The following DNA2 variants were observed in gnomAD, a reference collection of about 807,000 sequenced individuals.
DNA2 encodes the protein DNA replication ATP-dependent helicase/nuclease DNA2.
DNA2 carries 101 observed loss-of-function variants against 119.1 expected under a neutral mutation model. The observed-to-expected ratio is 0.85, with a 90% CI of 0.72 to 1.00. The LOEUF (loss-of-function observed/expected upper bound fraction) is 1.00, where lower values mean the gene tolerates loss of function less well. DNA2 is among the 50% of genes least tolerant of loss of function. The probability of loss-of-function intolerance (pLI) is 0.00; values close to 1 mark genes in which losing one functional copy is unlikely to be tolerated. For missense variants in DNA2, 1,121 were observed against 1,255.5 expected (o/e 0.89, Z 1.62); for synonymous variants, 366 against 424.4 (o/e 0.86, Z 1.69).
intron 4 of DNA2, among the ~76,000 whole-genome samples, chr10:68,459,801 G>C (rs970763080): frequency 3.3e-5 from 5 of 152,126 alleles, no homozygotes; most frequent in African/African-American, 1.2e-4. Context: ...TGCGGAGGCA[G>C]GTGGATCACA....
chr10:68,438,480 T>C (rs4746770), intron 9 of DNA2, among the ~76,000 whole-genome samples: 21,951 of 149,244 alleles, frequency 0.15, 2,109 homozygotes, highest in East Asian at 0.37. Context: ...GATCACGCCA[T>C]TGCACTCCAG....
At chr10:68,445,556 A>G (rs1268110719) in intron 7 of DNA2, among the ~76,000 whole-genome samples, 1 of 152,138 alleles carries the variant, frequency 6.6e-6, no homozygotes, top group Non-Finnish European at 1.5e-5. Flanking sequence ...CTAGAATAAC[A>G]ACATTTTGGT....
At chr10:68,424,999 T>A (rs192971086) in intron 14 of DNA2, 104 of 548,766 alleles carry the variant, frequency 1.9e-4, no homozygotes, top group Admixed American at 9.8e-4. Context: ...CAGGAATAAA[T>A]ATAACCTGTT....
At chr10:68,435,826 G>T (rs1414826285) in intron 10 of DNA2, among the ~76,000 whole-genome samples, 1 of 152,038 alleles carries the variant, frequency 6.6e-6, no homozygotes, top group Non-Finnish European at 1.5e-5. Context: ...CTATAAATGG[G>T]AAAAATAAAC....
intron 4 of DNA2, 77 bp from the exon 5 acceptor site, chr10:68,459,312 T>G: frequency 7.2e-7 from 1 of 1,386,920 alleles, no homozygotes; most frequent in Non-Finnish European, 9.5e-7. Context: ...TATGAAAGTA[T>G]AAATATGAGA....
intron 12 of DNA2, 109 bp downstream of exon 12, chr10:68,432,097 C>T (rs2051829769): frequency 4.5e-6 from 5 of 1,114,428 alleles, no homozygotes; most frequent in Non-Finnish European, 6.6e-6. Context: ...TCCAAAGAGT[C>T]TTGGTCTAAA....
intron 6 of DNA2, among the ~76,000 whole-genome samples, chr10:68,447,150 T>C (rs2052050504): frequency 6.6e-6 from 1 of 152,008 alleles, no homozygotes; most frequent in Admixed American, 6.6e-5. Flanking sequence ...CACAAAAATT[T>C]AAAAGCATAA....
chr10:68,451,746 C>T (rs1439812710), intron 5 of DNA2, among the ~76,000 whole-genome samples: 6 of 150,736 alleles, frequency 4.0e-5, no homozygotes, highest in Admixed American at 4.0e-4. Flanking sequence ...TTTTTTTGGA[C>T]AGCTATTTCT....
chr10:68,445,063 G>T lies in DNA2; in HGVS notation c.1078C>A (p.Gln360Lys), dbSNP rs1317601492. The T allele has an allele frequency of 6.9e-6, 11 of 1,603,174 alleles. No individual in the cohort carries two copies. Among genetic ancestry groups the T allele is most frequent in the Non-Finnish European group, 9.4e-6 (11 of 1,174,492 alleles). Residue 360 changes from glutamine (Q) to lysine (K), a missense_variant, in exon 8 of 21, where the codon CAG becomes AAG. By Grantham distance (53) the Gln-to-Lys change is moderately conservative. Coordinates refer to ENST00000358410, the MANE Select transcript of DNA2 (RefSeq NM_001080449.3). ...DKRELLKLRN[Q>K]MAFSLFHRIS... ...CGGTGAAACAATGAGAATGCCATCT[G>T]GTTTCTTAGCTTTAATAATTCTATG... is the stretch of plus-strand genomic sequence containing the variant.
rs1564891226 is a variant in DNA2 at position 68,450,251 on chromosome 10, A to G, written c.720-4T>C. 1 of 541,196 alleles carries G rather than the reference A, an allele frequency of 1.8e-6. No homozygotes were observed. The highest frequency in any genetic ancestry group is 2.5e-6 in the Non-Finnish European group (1 of 394,980). 33.5% of individuals were successfully genotyped at this position (541,196 alleles called of 1,614,324 possible). A position where few individuals can be genotyped will look rare whatever the true frequency, so the allele number is the denominator to read the frequency against. On this transcript the variant is annotated splice_region_variant and splice_polypyrimidine_tract_variant and intron_variant, in intron 5 of 20. Coordinates refer to ENST00000358410, the MANE Select transcript of DNA2 (RefSeq NM_001080449.3). ...ATCCTTACTATTATCACTTGGCCTG[A>G]AAAAAAAAAAAGCACAAAAACACTT...
chr10:68,421,980 A>C (rs2051671587), intron 17 of DNA2, among the ~76,000 whole-genome samples: 1 of 151,786 alleles, frequency 6.6e-6, no homozygotes, highest in Admixed American at 6.6e-5. Context: ...ATGCCCAGCT[A>C]CTTTTTATAT....
At chr10:68,461,151 T>C (rs1159027126) in intron 4 of DNA2, among the ~76,000 whole-genome samples, 2 of 152,194 alleles carry the variant, frequency 1.3e-5, no homozygotes, top group Non-Finnish European at 2.9e-5. Flanking sequence ...TATATAGGAA[T>C]GTTAACTTCT....
intron 9 of DNA2, among the ~76,000 whole-genome samples, chr10:68,437,616 C>T (rs2051907673): frequency 1.3e-5 from 2 of 151,866 alleles, no homozygotes; most frequent in African/African-American, 2.4e-5. Context: ...CACCATTGCT[C>T]AACAACCTGG....
intron 14 of DNA2, 25 bp downstream of exon 14, chr10:68,430,411 A>G: frequency 6.7e-7 from 1 of 1,488,298 alleles, no homozygotes; most frequent in South Asian, 1.2e-5. Flanking sequence ...AACTGTTAGT[A>G]TTATTATACA....
Position 68,422,892 on chromosome 10 carries a change from T to TA in DNA2, c.2209-3dup, listed in dbSNP as rs780354765. ...CATACATGTTGTTGCAACTATAAGCTAAAAACAAGGAAAACAGATCAGTTA... is the reference window on the plus strand; with the variant it reads ...CATACATGTTGTTGCAACTATAAGCTAAAAAACAAGGAAAACAGATCAGTTA... On this transcript the variant is annotated splice_region_variant and splice_polypyrimidine_tract_variant and intron_variant, in intron 14 of 20. Coordinates refer to ENST00000358410, the MANE Select transcript of DNA2 (RefSeq NM_001080449.3). 6.4e-7 allele frequency: 1 copy of TA among 1,557,060 alleles called. No homozygotes were observed. Among genetic ancestry groups the TA allele is most frequent in the South Asian group, 1.2e-5 (1 of 82,110 alleles).
chr10:68,437,873 G>T (rs1392298314), intron 9 of DNA2, among the ~76,000 whole-genome samples: 7 of 151,994 alleles, frequency 4.6e-5, no homozygotes, highest in Admixed American at 3.9e-4. Context: ...ACCACGACAA[G>T]CTAATTTTTT....
chr10:68,465,618 G>A (rs2052317628), intron 4 of DNA2, 49 bp downstream of exon 4: 1 of 1,370,044 alleles, frequency 7.3e-7, no homozygotes, highest in Non-Finnish European at 9.9e-7. Context: ...TTCTAGGACA[G>A]AAGTTATATA....
intron 5 of DNA2, among the ~76,000 whole-genome samples, chr10:68,452,410 T>C (rs2052130992): frequency 6.6e-6 from 1 of 152,160 alleles, no homozygotes; most frequent in Non-Finnish European, 1.5e-5. Flanking sequence ...TCACCAACTG[T>C]TACTTGTTCA....
At chr10:68,465,940 A>C (rs1248478695) in intron 3 of DNA2, 128 bp from the exon 4 acceptor site, 2 of 844,094 alleles carry the variant, frequency 2.4e-6, no homozygotes, top group Non-Finnish European at 3.2e-6. Flanking sequence ...ATATTAAAAA[A>C]ATTTTTTTCT....
Sources: allele counts gnomAD v4.1 joint callset (sites outside exome capture counted in the v4.1 genomes callset), GRCh38; gene constraint gnomAD v4.1.1; transcripts MANE v1.5; gene names NCBI Gene and HGNC (gene_info 2026-07-23, HGNC 2026-07-21).